FHIT: variants seen among roughly 807,000 people sequenced by gnomAD.
FHIT encodes the protein bis(5'-adenosyl)-triphosphatase.
In FHIT, 19 loss-of-function variants were observed where a neutral mutation model predicts 17.9. That is an observed-to-expected ratio of 1.06 (90% CI 0.74 to 1.56). The LOEUF is 1.56. Among genes scored for constraint, FHIT ranks in the 40% most tolerant of loss-of-function variants. The pLI is 0.00. For synonymous variants in FHIT, 81 were observed against 69.7 expected (o/e 1.16, Z -0.81); for missense variants, 248 against 189.2 (o/e 1.31, Z -1.82).
intron 8 of FHIT, among the ~76,000 whole-genome samples, chr3:59,823,101 T>C (rs1405677090): frequency 3.3e-5 from 5 of 152,184 alleles, no homozygotes; most frequent in Admixed American, 1.3e-4. Flanking sequence ...TGAAGATCAA[T>C]TGACTGTAAG....
intron 5 of FHIT, among the ~76,000 whole-genome samples, chr3:60,340,686 TGA>T (rs1710473092): frequency 6.6e-6 from 1 of 152,168 alleles, no homozygotes; most frequent in South Asian, 2.1e-4. Flanking sequence ...GTTTTAACTG[TGA>T]GTGTCCACTT....
chr3:59,913,583 A>T (rs1704987393), intron 8 of FHIT, among the ~76,000 whole-genome samples: 1 of 152,180 alleles, frequency 6.6e-6, no homozygotes. Context: ...CTCAAATATT[A>T]CATTTATTTA....
chr3:60,958,245 T>C (rs556107098), intron 3 of FHIT, among the ~76,000 whole-genome samples: 13 of 152,282 alleles, frequency 8.5e-5, no homozygotes, highest in African/African-American at 3.1e-4. Context: ...GATATAAATA[T>C]ACCTGGTATA....
chr3:60,281,092 A>G (rs67048609), intron 5 of FHIT, among the ~76,000 whole-genome samples: 38,220 of 150,670 alleles, frequency 0.25, 5,531 homozygotes, highest in East Asian at 0.7. Flanking sequence ...GAAGCACAAT[A>G]TCACTTATAT....
intron 5 of FHIT, chr3:60,536,645 C>G: frequency 4.4e-6 from 2 of 454,516 alleles, no homozygotes; most frequent in Non-Finnish European, 7.4e-6. Flanking sequence ...CTCAGAAGTT[C>G]TGCAACATTG....
chr3:60,579,575 A>G (rs2037687250), intron 4 of FHIT, among the ~76,000 whole-genome samples: 1 of 152,198 alleles, frequency 6.6e-6, no homozygotes, highest in South Asian at 2.1e-4. Context: ...ATGTGAATAT[A>G]TAAACACATG....
chr3:59,939,081 G>C lies in FHIT; in HGVS notation c.280-16667C>G, dbSNP rs563057904. On this transcript the variant is annotated intron_variant, in intron 7 of 9. Coordinates refer to ENST00000492590, the MANE Select transcript of FHIT (RefSeq NM_002012.4). ...ATAACAATAAAAGAGGCAACAGACA[G>C]TGGGGGAAGCCCCAGCACCAACCCT... Among the ~76,000 whole-genome samples the C allele has an allele frequency of 6.6e-5, 10 of 152,322 alleles. No homozygotes were observed. The South Asian group carries it at 2.1e-3, about 32-fold the overall frequency.
chr3:60,667,996 T>C (rs891975119), intron 4 of FHIT, among the ~76,000 whole-genome samples: 10 of 151,998 alleles, frequency 6.6e-5, no homozygotes, highest in African/African-American at 2.4e-4. Flanking sequence ...TCTGCCTCAG[T>C]GTCTTTGGGC....
intron 5 of FHIT, among the ~76,000 whole-genome samples, chr3:60,203,782 A>G (rs1703028938): frequency 6.6e-6 from 1 of 152,324 alleles, no homozygotes; most frequent in Middle Eastern, 3.4e-3. Context: ...AATTTCACAA[A>G]TAGACAAGAA....
At chr3:59,767,688 T>A (rs73094589) in intron 8 of FHIT, among the ~76,000 whole-genome samples, 1 of 152,144 alleles carries the variant, frequency 6.6e-6, no homozygotes, top group Non-Finnish European at 1.5e-5. Flanking sequence ...TGCCTGGCAA[T>A]GTGCTCAGTG....
intron 3 of FHIT, among the ~76,000 whole-genome samples, chr3:60,849,083 G>A (rs1413309264): frequency 6.6e-6 from 1 of 151,940 alleles, no homozygotes; most frequent in Non-Finnish European, 1.5e-5. Flanking sequence ...TTTATCAATA[G>A]TTGCAAAACC....
chr3:60,088,135 G>T (rs1271574411), intron 5 of FHIT, among the ~76,000 whole-genome samples: 1 of 152,176 alleles, frequency 6.6e-6, no homozygotes, highest in African/African-American at 2.4e-5. Flanking sequence ...TCAACAAGGT[G>T]CTAGTCTCTT....
At chr3:60,437,828 G>A (rs2030412080) in intron 5 of FHIT, among the ~76,000 whole-genome samples, 1 of 152,018 alleles carries the variant, frequency 6.6e-6, no homozygotes, top group South Asian at 2.1e-4. Flanking sequence ...GTTAATAGGT[G>A]TTTGGCTGAC....
Position 60,096,935 on chromosome 3 carries a change from C to T in FHIT, c.104-82783G>A, listed in dbSNP as rs1703973995. ...GTGGCTTGTGCCTATAATCCTAGCA[C>T]CTTGGGAGACTGGGGCAGGAGGATT... On this transcript the variant is annotated intron_variant, in intron 5 of 9. Transcript: ENST00000492590. 4.0e-5 allele frequency among the ~76,000 whole-genome samples: 6 copies of T among 150,000 alleles called. No individual in the cohort carries two copies. In the Admixed American group the frequency reaches 4.0e-4, roughly 10 times the overall value.
At chr3:60,200,473 T>C (rs1702846339) in intron 5 of FHIT, among the ~76,000 whole-genome samples, 1 of 152,142 alleles carries the variant, frequency 6.6e-6, no homozygotes, top group African/African-American at 2.4e-5. Context: ...TTCCTATACA[T>C]GACCAAAATT....
At chr3:59,846,261 C>A (rs1055127753) in intron 8 of FHIT, among the ~76,000 whole-genome samples, 1 of 151,716 alleles carries the variant, frequency 6.6e-6, no homozygotes, top group Non-Finnish European at 1.5e-5. Context: ...TCTGTATATT[C>A]TTTAGCTGTT....
chr3:60,760,131 G>C (rs1248938337), intron 4 of FHIT, among the ~76,000 whole-genome samples: 1 of 151,042 alleles, frequency 6.6e-6, no homozygotes, highest in Non-Finnish European at 1.5e-5. Context: ...CTTTAGTTTA[G>C]AGACACTACA....
At chr3:60,859,872 T>G (rs1575605495) in intron 3 of FHIT, among the ~76,000 whole-genome samples, 1 of 148,784 alleles carries the variant, frequency 6.7e-6, no homozygotes, top group South Asian at 2.1e-4. Context: ...GGTGAAACCC[T>G]GTCTCTACTA....
At chr3:60,025,216 G>A (rs573048908) in intron 5 of FHIT, among the ~76,000 whole-genome samples, 1 of 152,210 alleles carries the variant, frequency 6.6e-6, no homozygotes, top group Non-Finnish European at 1.5e-5. Context: ...CTAGAGCAGA[G>A]TTTCCTAACC....
Sources: allele counts gnomAD v4.1 joint callset (sites outside exome capture counted in the v4.1 genomes callset), GRCh38; gene constraint gnomAD v4.1.1; transcripts MANE v1.5; gene names NCBI Gene and HGNC (gene_info 2026-07-23, HGNC 2026-07-21).